APP: variants seen among roughly 807,000 people sequenced by gnomAD.
APP encodes amyloid-beta precursor protein.
Under a neutral mutation model 101.4 loss-of-function variants are expected in APP, and 31 were observed. The observed-to-expected ratio is 0.31, with a 90% CI of 0.23 to 0.41. The LOEUF is 0.41. Among genes scored for constraint, APP ranks in the 10% least tolerant of loss-of-function variants. The pLI is 1.00. For synonymous variants in APP, 366 were observed against 364.4 expected (o/e 1.00, Z -0.05); for missense variants, 839 against 1,003.7 (o/e 0.84, Z 2.22).
chr21:25,967,016 A>G (rs2041821583), intron 11 of APP, among the ~76,000 whole-genome samples: 1 of 152,210 alleles, frequency 6.6e-6, no homozygotes, highest in African/African-American at 2.4e-5. Context: ...TTTACCAAAT[A>G]GCCTTGAGCA....
At chr21:26,106,875 A>G (rs1277463308) in intron 2 of APP, among the ~76,000 whole-genome samples, 2 of 152,238 alleles carry the variant, frequency 1.3e-5, no homozygotes, top group Non-Finnish European at 2.9e-5. Flanking sequence ...AATGGACTAC[A>G]ACGTAACTTC....
At chr21:26,055,451 G>T (rs542615622) in intron 3 of APP, among the ~76,000 whole-genome samples, 1 of 152,200 alleles carries the variant, frequency 6.6e-6, no homozygotes, top group East Asian at 1.9e-4. Context: ...AAAAACACAA[G>T]AAGACCTGGA....
At chr21:26,158,897 C>T (rs1051921894) in intron 1 of APP, among the ~76,000 whole-genome samples, 1 of 152,106 alleles carries the variant, frequency 6.6e-6, no homozygotes. Flanking sequence ...ATTATTTCTC[C>T]GTCTCTTTCT....
At chr21:25,882,950 A>G (rs1214828509) in intron 17 of APP, among the ~76,000 whole-genome samples, 1 of 152,026 alleles carries the variant, frequency 6.6e-6, no homozygotes, top group African/African-American at 2.4e-5. Flanking sequence ...TACACACCCC[A>G]TCTGGCATGG....
At chr21:25,990,032 G>A (rs2042798353) in intron 8 of APP, among the ~76,000 whole-genome samples, 1 of 152,044 alleles carries the variant, frequency 6.6e-6, no homozygotes, top group Non-Finnish European at 1.5e-5. Flanking sequence ...AGATAGAGGA[G>A]CCATTTATAA....
chr21:25,928,418 G>C (rs1017986132), intron 13 of APP, among the ~76,000 whole-genome samples: 1 of 152,084 alleles, frequency 6.6e-6, no homozygotes, highest in African/African-American at 2.4e-5. Flanking sequence ...GAAAGATGCT[G>C]TATTAAGATT....
At chr21:26,143,625 A>G (rs1198856096) in intron 1 of APP, among the ~76,000 whole-genome samples, 4 of 152,194 alleles carry the variant, frequency 2.6e-5, no homozygotes, top group Admixed American at 2.6e-4. Context: ...ATTCACTATT[A>G]TTAACTAGTC....
At chr21:26,110,911 A>G (rs2062303505) in intron 2 of APP, among the ~76,000 whole-genome samples, 1 of 152,096 alleles carries the variant, frequency 6.6e-6, no homozygotes, top group Non-Finnish European at 1.5e-5. Context: ...ATGCAGTCAC[A>G]TGCAGAGATA....
intron 15 of APP, among the ~76,000 whole-genome samples, chr21:25,902,493 A>C (rs2038556716): frequency 6.6e-6 from 1 of 151,714 alleles, no homozygotes; most frequent in Admixed American, 6.6e-5. Flanking sequence ...AATCTTCCTC[A>C]CTTCATATCT....
chr21:26,095,441 T>C (rs1056084527), intron 2 of APP, among the ~76,000 whole-genome samples: 2 of 152,226 alleles, frequency 1.3e-5, no homozygotes, highest in African/African-American at 4.8e-5. Flanking sequence ...TAACTCTTAT[T>C]TGACTTAATA....
At chr21:25,981,631 A>C (rs1326836900) in intron 9 of APP, among the ~76,000 whole-genome samples, 1 of 152,014 alleles carries the variant, frequency 6.6e-6, no homozygotes, top group Non-Finnish European at 1.5e-5. Flanking sequence ...TATATGGATT[A>C]GCCATGTTTT....
intron 6 of APP, among the ~76,000 whole-genome samples, chr21:26,016,561 C>T (rs2044071303): frequency 6.6e-6 from 1 of 152,020 alleles, no homozygotes; most frequent in South Asian, 2.1e-4. Flanking sequence ...AGTTATGTGA[C>T]CCAGGACAAT....
At chr21:26,077,430 C>T (rs544817002) in intron 3 of APP, among the ~76,000 whole-genome samples, 5 of 152,208 alleles carry the variant, frequency 3.3e-5, no homozygotes, top group East Asian at 1.9e-4. Flanking sequence ...TTTTTATCTT[C>T]GTATCTTACA....
intron 1 of APP, among the ~76,000 whole-genome samples, chr21:26,152,292 A>AAAAAAAAAAAC (rs1353219157): frequency 3.4e-5 from 5 of 148,870 alleles, no homozygotes; most frequent in African/African-American, 1.0e-4. Context: ...CTCAAAAAAA[A>AAAAAAAAAAAC]AAAAAAAAAA....
intron 9 of APP, among the ~76,000 whole-genome samples, chr21:25,979,953 G>A (rs2042365896): frequency 6.6e-6 from 1 of 152,208 alleles, no homozygotes; most frequent in Non-Finnish European, 1.5e-5. Context: ...CAAATATTTA[G>A]AATTAAATGA....
chr21:26,071,619 A>C (rs946938283), intron 3 of APP, among the ~76,000 whole-genome samples: 9 of 152,238 alleles, frequency 5.9e-5, no homozygotes, highest in African/African-American at 2.2e-4. Flanking sequence ...AAGATGACTA[A>C]AATGTACATG....
chr21:25,893,086 AATT>A (rs941950638), intron 16 of APP, among the ~76,000 whole-genome samples: 51 of 152,230 alleles, frequency 3.4e-4, no homozygotes, highest in Admixed American at 2.9e-3. Context: ...AAACATTAAA[AATT>A]ATTATATCTG....
At chr21:26,051,483 G>A (rs2045838723) in intron 4 of APP, among the ~76,000 whole-genome samples, 1 of 152,190 alleles carries the variant, frequency 6.6e-6, no homozygotes, top group Admixed American at 6.5e-5. Flanking sequence ...ATAAGATGTA[G>A]CAGTCTCCAC....
intron 2 of APP, among the ~76,000 whole-genome samples, chr21:26,092,897 T>C (rs1490269651): frequency 6.6e-6 from 1 of 152,084 alleles, no homozygotes; most frequent in Non-Finnish European, 1.5e-5. Flanking sequence ...TCAATCAGTG[T>C]AGCAGCAGGG....
Sources: allele counts gnomAD v4.1 joint callset (sites outside exome capture counted in the v4.1 genomes callset), GRCh38; gene constraint gnomAD v4.1.1; transcripts MANE v1.5; gene names NCBI Gene and HGNC (gene_info 2026-07-23, HGNC 2026-07-21).